The following CACNA2D3 variants were observed in gnomAD, a reference collection of about 807,000 sequenced individuals.
The protein encoded by CACNA2D3 is calcium voltage-gated channel auxiliary subunit alpha2delta 3.
In CACNA2D3, 60 loss-of-function variants were observed where a neutral mutation model predicts 160.6. The observed-to-expected ratio is 0.37, with a 90% CI of 0.30 to 0.46. CACNA2D3 has a LOEUF of 0.46. Ranked by LOEUF, CACNA2D3 falls within the 20% of genes least tolerant of loss-of-function variation. CACNA2D3 has a pLI of 1.00. For missense variants in CACNA2D3, 1,205 were observed against 1,365.0 expected, an observed-to-expected ratio of 0.88 and a Z score of 1.85; for synonymous variants, 558 against 492.9, an observed-to-expected ratio of 1.13 and a Z score of -1.75.
chr3:54,993,955 T>C (rs1702800381), intron 31 of CACNA2D3, among the ~76,000 whole-genome samples: 1 of 150,642 alleles, frequency 6.6e-6, no homozygotes, highest in African/African-American at 2.4e-5. Flanking sequence ...GTGGTTTTTG[T>C]TGTTTGTATT....
At chr3:54,282,159 G>T (rs756646080) in intron 2 of CACNA2D3, among the ~76,000 whole-genome samples, 1 of 152,074 alleles carries the variant, frequency 6.6e-6, no homozygotes, top group South Asian at 2.1e-4. Context: ...CATGTTGAAC[G>T]CTGAGAAAAA....
chr3:54,911,263 G>A (rs1700547969), intron 27 of CACNA2D3, among the ~76,000 whole-genome samples: 1 of 150,114 alleles, frequency 6.7e-6, no homozygotes, highest in African/African-American at 2.5e-5. Flanking sequence ...TTTGAATCAG[G>A]ATCTTCTTCC....
chr3:54,336,335 C>T (rs1704377810), intron 3 of CACNA2D3, among the ~76,000 whole-genome samples: 1 of 152,126 alleles, frequency 6.6e-6, no homozygotes, highest in Non-Finnish European at 1.5e-5. Context: ...GCTTGGTCCT[C>T]TCATTGCTCT....
intron 3 of CACNA2D3, among the ~76,000 whole-genome samples, chr3:54,328,735 C>T (rs1283913134): frequency 2.0e-5 from 3 of 152,174 alleles, no homozygotes; most frequent in Non-Finnish European, 4.4e-5. Flanking sequence ...TGATCCCCAT[C>T]CTCCCACAGA....
At position 54,687,121 on chromosome 3, in the gene CACNA2D3, C is replaced by CTTTTTTTTTTTTTTTTTTTTTT. The variant is rs757838355; in HGVS notation, c.1167+44893_1167+44894insTTTTTTTTTTTTTTTTTTTTTT. On this transcript the variant is annotated intron_variant, in intron 11 of 37. Transcript: ENST00000474759. ...AAATCGGATTTTTCTTTTTCTTTTT[C>CTTTTTTTTTTTTTTTTTTTTTT]TTTTTTTTTTTTTGTTTTTTTTTTT... Among the ~76,000 whole-genome samples, 35 of 94,952 alleles carry CTTTTTTTTTTTTTTTTTTTTTT rather than the reference C, an allele frequency of 3.7e-4. 4 individuals carry two copies. The highest frequency in any genetic ancestry group is 5.0e-4 in the Non-Finnish European group (24 of 48,070). 62.3% of individuals were successfully genotyped at this position (94,952 alleles called of 152,430 possible). A position where few individuals can be genotyped will look rare whatever the true frequency, so the allele number is the denominator to read the frequency against.
intron 27 of CACNA2D3, chr3:54,927,801 AAGAC>A: frequency 8.0e-7 from 1 of 1,257,716 alleles, no homozygotes. Context: ...CCAGTCTTTT[AAGAC>A]AGACGACTTG....
At chr3:54,605,172 GTCAT>G (rs1182318771) in intron 9 of CACNA2D3, among the ~76,000 whole-genome samples, 2 of 152,140 alleles carry the variant, frequency 1.3e-5, no homozygotes, top group African/African-American at 4.8e-5. Context: ...AAAGACACCA[GTCAT>G]ATTGCATTAG....
chr3:54,522,933 T>C (rs6445681), intron 5 of CACNA2D3, among the ~76,000 whole-genome samples: 62,068 of 134,924 alleles, frequency 0.46, 14,268 homozygotes, highest in Non-Finnish European at 0.52. Flanking sequence ...TATTTATTTA[T>C]TTACTTACTT....
rs529253130 is a variant in CACNA2D3 at position 54,290,201 on chromosome 3, C to G, written c.205-30241C>G. Among the ~76,000 whole-genome samples the G allele has an allele frequency of 6.6e-5, 10 of 152,178 alleles. No homozygotes were observed. In the South Asian group the frequency reaches 2.1e-3, roughly 32 times the overall value. On this transcript the variant is annotated intron_variant, in intron 2 of 37. Coordinates refer to ENST00000474759, the MANE Select transcript of CACNA2D3 (RefSeq NM_018398.3). ...ATCCAGAATCTACAATGAACTCAAACAAATTTACAAGAAAAAAACAAACAG... is the reference window on the plus strand; with the variant it reads ...ATCCAGAATCTACAATGAACTCAAAGAAATTTACAAGAAAAAAACAAACAG...
intron 27 of CACNA2D3, among the ~76,000 whole-genome samples, chr3:54,949,433 GAGCC>G (rs1357999215): frequency 6.6e-6 from 1 of 152,172 alleles, no homozygotes; most frequent in African/African-American, 2.4e-5. Flanking sequence ...AAATTAGTTT[GAGCC>G]ATCTATGAAT....
intron 35 of CACNA2D3, among the ~76,000 whole-genome samples, chr3:55,038,628 G>T (rs1703885034): frequency 6.6e-6 from 1 of 152,002 alleles, no homozygotes; most frequent in Non-Finnish European, 1.5e-5. Flanking sequence ...GCCTGTTAAA[G>T]ACCCTGAGAA....
At chr3:54,382,239 A>T (rs1158367930) in intron 3 of CACNA2D3, among the ~76,000 whole-genome samples, 1 of 152,250 alleles carries the variant, frequency 6.6e-6, no homozygotes, top group East Asian at 1.9e-4. Context: ...TAATAGAGTA[A>T]CAGTTTTCCC....
At chr3:54,847,671 A>G (rs771546930) in intron 17 of CACNA2D3, among the ~76,000 whole-genome samples, 11 of 152,252 alleles carry the variant, frequency 7.2e-5, no homozygotes, top group Non-Finnish European at 7.3e-5. Context: ...TCTTTTTATC[A>G]GAAAAGGACT....
intron 11 of CACNA2D3, among the ~76,000 whole-genome samples, chr3:54,727,145 CAT>C (rs1264862941): frequency 2.0e-5 from 3 of 152,126 alleles, no homozygotes; most frequent in Non-Finnish European, 2.9e-5. Flanking sequence ...AGCCAACAGA[CAT>C]ATGAAAAAAT....
chr3:54,461,229 A>G (rs1157409174), intron 4 of CACNA2D3, among the ~76,000 whole-genome samples: 2 of 151,934 alleles, frequency 1.3e-5, no homozygotes, highest in Non-Finnish European at 2.9e-5. Flanking sequence ...ATATTGGTCT[A>G]AAATTCTCTT....
intron 27 of CACNA2D3, chr3:54,924,877 T>A: frequency 6.2e-7 from 1 of 1,613,798 alleles, no homozygotes; most frequent in Non-Finnish European, 8.5e-7. Flanking sequence ...TGGAAAAGTC[T>A]GCTTTCCAGG....
intron 9 of CACNA2D3, chr3:54,626,256 C>T: frequency 8.1e-7 from 1 of 1,229,988 alleles, no homozygotes; most frequent in South Asian, 1.3e-5. Flanking sequence ...TCCGCAGGTT[C>T]ACCTACCGTG....
At chr3:54,736,072 T>TATAC (rs1701509196) in intron 11 of CACNA2D3, among the ~76,000 whole-genome samples, 1 of 26,190 alleles carries the variant, frequency 3.8e-5, no homozygotes, top group Non-Finnish European at 1.2e-4. Flanking sequence ...TATATATATA[T>TATAC]ACATATATAT....
At position 54,969,808 on chromosome 3, in the gene CACNA2D3, C is replaced by T. The variant is rs1037124845; in HGVS notation, c.2520C>T (p.Ser840=). The T allele has an allele frequency of 3.7e-6, 6 of 1,612,696 alleles. No individual in the cohort carries two copies. The highest frequency in any genetic ancestry group is 5.1e-6 in the Non-Finnish European group (6 of 1,179,306). The stretch of plus-strand genomic sequence containing the variant: ...ACTTTTTGCCTTCACAGTGTGCTTC[C>T]CTGGATGGCAAATGCTCCATCAGCT... The part of the protein sequence containing the change: ...KFWTASRQCA[S]LDGKCSISCD... Residue 840 remains serine, a synonymous_variant, in exon 29 of 38, where the codon TCC becomes TCT. Coordinates refer to ENST00000474759, the MANE Select transcript of CACNA2D3 (RefSeq NM_018398.3).
Sources: gnomAD v4.1 joint callset for allele counts (sites outside exome capture counted in the v4.1 genomes callset) on GRCh38, gnomAD v4.1.1 for gene constraint, MANE v1.5 for transcripts, NCBI Gene and HGNC (gene_info 2026-07-23, HGNC 2026-07-21) for gene names.